Variants in TIAM1 observed in about 807,000 individuals in gnomAD.
TIAM1 encodes rho guanine nucleotide exchange factor TIAM1.
TIAM1 carries 65 observed loss-of-function variants against 163.5 expected under a neutral mutation model. The ratio of observed to expected loss-of-function variants is 0.40; its 90% CI spans 0.33 to 0.49. The LOEUF is 0.49. TIAM1 is among the 20% of genes least tolerant of loss of function. The pLI, the probability that TIAM1 is intolerant of heterozygous loss-of-function variation, is 0.77. For synonymous variants in TIAM1, 833 were observed against 810.1 expected, an observed-to-expected ratio of 1.03 and a Z score of -0.48; for missense variants, 1,789 against 2,044.7, an observed-to-expected ratio of 0.87 and a Z score of 2.41.
intron 23 of TIAM1, among the ~76,000 whole-genome samples, chr21:31,134,980 T>C (rs2082562203): frequency 6.6e-6 from 1 of 152,138 alleles, no homozygotes; most frequent in Non-Finnish European, 1.5e-5. Flanking sequence ...CATTTGGGGA[T>C]ACTTTGTTCA....
chr21:31,250,323 G>A (rs764412068), intron 5 of TIAM1, among the ~76,000 whole-genome samples: 1 of 152,148 alleles, frequency 6.6e-6, no homozygotes, highest in Non-Finnish European at 1.5e-5. Context: ...CTTGCTTATG[G>A]CATTGGGATT....
intron 25 of TIAM1, among the ~76,000 whole-genome samples, chr21:31,127,412 C>T (rs2082243600): frequency 7.1e-6 from 1 of 140,764 alleles, no homozygotes; most frequent in Admixed American, 7.1e-5. Context: ...ATGGACCGAA[C>T]TTTTTTTTTT....
chr21:31,369,955 A>G (rs918599151), intron 2 of TIAM1, among the ~76,000 whole-genome samples: 1 of 152,174 alleles, frequency 6.6e-6, no homozygotes, highest in Non-Finnish European at 1.5e-5. Flanking sequence ...ACTGCACTCC[A>G]GCCTGGGGTA....
At chr21:31,407,378 G>A (rs949460320) in intron 2 of TIAM1, among the ~76,000 whole-genome samples, 2 of 152,068 alleles carry the variant, frequency 1.3e-5, no homozygotes. Context: ...TGGTGGGACC[G>A]AAACACGAAG....
chr21:31,336,086 G>C (rs930487847), intron 2 of TIAM1, among the ~76,000 whole-genome samples: 1 of 152,176 alleles, frequency 6.6e-6, no homozygotes, highest in African/African-American at 2.4e-5. Context: ...GCCTTACAAT[G>C]TCGGGGGCGC....
At chr21:31,274,620 G>C (rs917322024) in intron 3 of TIAM1, among the ~76,000 whole-genome samples, 4 of 152,180 alleles carry the variant, frequency 2.6e-5, no homozygotes, top group South Asian at 2.1e-4. Flanking sequence ...ACTTCCACAT[G>C]AACAATGCCC....
intron 1 of TIAM1, among the ~76,000 whole-genome samples, chr21:31,516,534 AG>A (rs1368982759): frequency 6.6e-6 from 1 of 152,188 alleles, no homozygotes; most frequent in Non-Finnish European, 1.5e-5. Flanking sequence ...CCACTCCCTA[AG>A]GAAGAGAATT....
At chr21:31,536,284 T>C (rs1420019176) in intron 1 of TIAM1, among the ~76,000 whole-genome samples, 1 of 152,238 alleles carries the variant, frequency 6.6e-6, no homozygotes, top group African/African-American at 2.4e-5. Flanking sequence ...TATTCATAAG[T>C]GGCTAAGCAA....
At chr21:31,337,518 G>GTTGTTATTA (rs139117633) in intron 2 of TIAM1, among the ~76,000 whole-genome samples, 16 of 147,272 alleles carry the variant, frequency 1.1e-4, no homozygotes, top group African/African-American at 4.0e-4. Context: ...TATTATTGTT[G>GTTGTTATTA]TTATTATTAT....
intron 2 of TIAM1, among the ~76,000 whole-genome samples, chr21:31,281,664 A>G (rs1053563568): frequency 4.6e-5 from 7 of 152,196 alleles, no homozygotes; most frequent in Non-Finnish European, 1.0e-4. Flanking sequence ...AGATGGGTAG[A>G]TGAATGGACA....
intron 6 of TIAM1, among the ~76,000 whole-genome samples, chr21:31,228,213 C>CT (rs1224052189): frequency 0.13 from 2,860 of 22,180 alleles, 263 homozygotes; most frequent in African/African-American, 0.17. Flanking sequence ...GCCCGGCCTC[C>CT]TTTTTTTAAA....
chr21:31,211,982 T>C (rs887270572), intron 10 of TIAM1, among the ~76,000 whole-genome samples: 4 of 152,218 alleles, frequency 2.6e-5, no homozygotes, highest in African/African-American at 9.7e-5. Context: ...GGACTAATAA[T>C]GGTATGCAAG....
At chr21:31,469,855 A>C (rs1163505229) in intron 1 of TIAM1, among the ~76,000 whole-genome samples, 1 of 129,826 alleles carries the variant, frequency 7.7e-6, no homozygotes, top group East Asian at 2.1e-4. Context: ...ACAAAAAAAA[A>C]ATCAATTTTC....
intron 2 of TIAM1, among the ~76,000 whole-genome samples, chr21:31,359,589 T>C (rs2076369446): frequency 1.3e-5 from 2 of 151,996 alleles, no homozygotes; most frequent in East Asian, 3.9e-4. Flanking sequence ...AGTCAAGAGT[T>C]TGAGACCAGC....
chr21:31,174,801 C>T (rs2084687252), intron 15 of TIAM1, among the ~76,000 whole-genome samples: 1 of 152,278 alleles, frequency 6.6e-6, no homozygotes, highest in South Asian at 2.1e-4. Context: ...GCACCTGCCA[C>T]CACTCCCAGC....
chr21:31,318,538 C>G (rs760689175), intron 2 of TIAM1, among the ~76,000 whole-genome samples: 1 of 152,226 alleles, frequency 6.6e-6, no homozygotes, highest in Non-Finnish European at 1.5e-5. Context: ...TCAAGAGACT[C>G]TACTCTGTAT....
At chr21:31,255,080 C>T (rs2072021336) in intron 4 of TIAM1, among the ~76,000 whole-genome samples, 1 of 152,124 alleles carries the variant, frequency 6.6e-6, no homozygotes, top group Non-Finnish European at 1.5e-5. Context: ...CATGACCAGA[C>T]TGTGTGTGTT....
At chr21:31,494,750 G>A (rs1401009113) in intron 1 of TIAM1, among the ~76,000 whole-genome samples, 2 of 152,130 alleles carry the variant, frequency 1.3e-5, no homozygotes, top group Non-Finnish European at 2.9e-5. Flanking sequence ...GGCTGAGGCA[G>A]GAGAACTGCT....
At chr21:31,531,126 A>G (rs1260542322) in intron 1 of TIAM1, among the ~76,000 whole-genome samples, 6 of 151,630 alleles carry the variant, frequency 4.0e-5, no homozygotes, top group Non-Finnish European at 8.8e-5. Context: ...GCTTTGCAAC[A>G]CCTCCAAATT....
Sources: allele counts gnomAD v4.1 joint callset (sites outside exome capture counted in the v4.1 genomes callset), GRCh38; gene constraint gnomAD v4.1.1; transcripts MANE v1.5; gene names NCBI Gene and HGNC (gene_info 2026-07-23, HGNC 2026-07-21).